The following METAP1 variants were observed in gnomAD, a reference collection of about 807,000 sequenced individuals.
The protein encoded by METAP1 is methionyl aminopeptidase 1, also known as methionine aminopeptidase 1.
A neutral mutation model predicts 53.8 loss-of-function variants in METAP1; 28 were observed. That is an observed-to-expected ratio of 0.52 (90% confidence interval 0.39 to 0.71). The LOEUF (loss-of-function observed/expected upper bound fraction) is 0.71, where lower values mean the gene tolerates loss of function less well. Ranked by LOEUF, METAP1 falls within the 30% of genes least tolerant of loss-of-function variation. The probability of loss-of-function intolerance (pLI) is 0.00; values close to 1 mark genes in which losing one functional copy is unlikely to be tolerated. For missense variants in METAP1, 389 were observed against 479.8 expected, an observed-to-expected ratio of 0.81 and a Z score of 1.77; for synonymous variants, 181 against 165.7, an observed-to-expected ratio of 1.09 and a Z score of -0.71.
At chr4:99,040,802 A>G in intron 5 of METAP1, among the ~76,000 whole-genome samples, 1 of 151,420 alleles carries the variant, frequency 6.6e-6, no homozygotes, top group East Asian at 1.9e-4. Context: ...ATTTCTTAGG[A>G]TGTATATTTT....
chr4:99,030,988 A>G (rs1406316754), intron 2 of METAP1, among the ~76,000 whole-genome samples: 1 of 151,998 alleles, frequency 6.6e-6, no homozygotes, highest in Non-Finnish European at 1.5e-5. Flanking sequence ...AATGTTTGAT[A>G]GAATTCACCA....
chr4:99,008,189 A>G (rs1443883796), intron 1 of METAP1, among the ~76,000 whole-genome samples: 2 of 152,232 alleles, frequency 1.3e-5, no homozygotes, highest in African/African-American at 4.8e-5. Flanking sequence ...GGTAAATAAA[A>G]TGGTATATAT....
intron 10 of METAP1, 32 bp downstream of exon 10, chr4:99,057,850 A>G (rs774765613): frequency 5.7e-5 from 88 of 1,538,540 alleles, no homozygotes; most frequent in South Asian, 9.6e-5. Context: ...ATATTTTTCA[A>G]TTGAATTTAT....
In METAP1 at chr4:98,995,783, G is replaced by A; in HGVS notation, c.30G>A (p.Glu10=). 6.5e-7 allele frequency: 1 copy of A among 1,546,630 alleles called. No individual in the cohort carries two copies. The highest frequency in any genetic ancestry group is 1.2e-5 in the South Asian group (1 of 83,902). ...CGGCCGTGGAGACGCGGGTGTGCGA[G>A]ACAGACGGCTGCAGCAGTGAGGCCA... MAAVETRVC[E]TDGCSSEAKL... Residue 10 remains glutamate (E), a synonymous_variant, in exon 1 of 11, where the codon GAG becomes GAA. Transcript: ENST00000296411.
intron 2 of METAP1, among the ~76,000 whole-genome samples, chr4:99,031,101 G>GT (rs56082818): frequency 0.51 from 55,906 of 109,684 alleles, 14,297 homozygotes; most frequent in South Asian, 0.76. Context: ...CTCAAAGGTA[G>GT]TTTTTTTTTT....
intron 9 of METAP1, 122 bp downstream of exon 9, chr4:99,048,998 A>G: frequency 8.5e-7 from 1 of 1,172,574 alleles, no homozygotes; most frequent in African/African-American, 1.5e-5. Context: ...TAATAGATAG[A>G]TTCCCAAAAT....
chr4:99,015,333 G>A (rs770058482), intron 1 of METAP1, among the ~76,000 whole-genome samples: 5 of 152,160 alleles, frequency 3.3e-5, no homozygotes, highest in African/African-American at 4.8e-5. Flanking sequence ...TACTGGGGTT[G>A]GAGAAGGGAA....
At chr4:99,003,407 T>C (rs1723012396) in intron 1 of METAP1, among the ~76,000 whole-genome samples, 1 of 152,224 alleles carries the variant, frequency 6.6e-6, no homozygotes, top group Non-Finnish European at 1.5e-5. Context: ...TAAATGTAAG[T>C]TCCGTTAGGT....
intron 1 of METAP1, among the ~76,000 whole-genome samples, chr4:99,025,932 C>A (rs1724528651): frequency 6.6e-6 from 1 of 152,210 alleles, no homozygotes; most frequent in Non-Finnish European, 1.5e-5. Flanking sequence ...AACCAATTGC[C>A]AGTCAGAATA....
chr4:99,031,101 GTTT>G (rs56082818), intron 2 of METAP1, among the ~76,000 whole-genome samples: 4 of 109,920 alleles, frequency 3.6e-5, no homozygotes, highest in African/African-American at 6.8e-5. Flanking sequence ...CTCAAAGGTA[GTTT>G]TTTTTTTTTT....
At chr4:99,026,482 G>T (rs1443396286) in intron 1 of METAP1, 2 of 985,288 alleles carry the variant, frequency 2.0e-6, no homozygotes, top group Non-Finnish European at 2.4e-6. Context: ...AGTTATAACG[G>T]TGAGTGTTAG....
At chr4:99,020,536 G>A (rs1388942650) in intron 1 of METAP1, among the ~76,000 whole-genome samples, 2 of 152,112 alleles carry the variant, frequency 1.3e-5, no homozygotes, top group African/African-American at 4.8e-5. Context: ...GGGACTAACT[G>A]CTGCCTGAGG....
At chr4:99,024,484 G>A (rs1158700250) in intron 1 of METAP1, among the ~76,000 whole-genome samples, 1 of 152,132 alleles carries the variant, frequency 6.6e-6, no homozygotes, top group Non-Finnish European at 1.5e-5. Context: ...TGGTTGGGTC[G>A]GAGATGAAAT....
chr4:99,029,016 G>T lies in METAP1; in HGVS notation c.166+98G>T, dbSNP rs1237766349. On this transcript the variant is annotated intron_variant, in intron 2 of 10. Coordinates refer to ENST00000296411, the MANE Select transcript of METAP1 (RefSeq NM_015143.3). ...TAGTTCTGAAAGTGTATATTTGAAT[G>T]TTCTGAAAGTATAATCCTGAATACT... 5.0e-6 allele frequency: 4 copies of T among 796,518 alleles called. No homozygotes were observed. The Admixed American group carries it at 8.7e-5, about 17-fold the overall frequency. The allele number at this position is 796,518 out of a possible 1,614,324, so 49.3% of individuals were successfully genotyped here.
intron 1 of METAP1, among the ~76,000 whole-genome samples, chr4:98,996,498 G>GAGGT (rs1401857654): frequency 6.6e-6 from 1 of 152,246 alleles, no homozygotes; most frequent in Admixed American, 6.5e-5. Flanking sequence ...GGGGAAGGGA[G>GAGGT]AGGTCTGTGT....
At chr4:99,022,084 G>A (rs1005571846) in intron 1 of METAP1, among the ~76,000 whole-genome samples, 35 of 152,224 alleles carry the variant, frequency 2.3e-4, no homozygotes, top group Admixed American at 8.5e-4. Flanking sequence ...ACAAGCATAT[G>A]CAGTAGTCAT....
chr4:99,048,189 C>T (rs1384398767), intron 8 of METAP1, among the ~76,000 whole-genome samples: 3 of 152,130 alleles, frequency 2.0e-5, no homozygotes, highest in African/African-American at 4.8e-5. Context: ...ACTTCCAACC[C>T]TTTAGTGCTG....
chr4:99,055,247 C>G (rs992333278), intron 9 of METAP1, among the ~76,000 whole-genome samples: 1 of 151,924 alleles, frequency 6.6e-6, no homozygotes, highest in African/African-American at 2.4e-5. Flanking sequence ...AAAAATTAGC[C>G]GGCCATGGTG....
intron 1 of METAP1, among the ~76,000 whole-genome samples, chr4:99,007,783 A>G (rs1026000337): frequency 6.6e-6 from 1 of 152,174 alleles, no homozygotes; most frequent in African/African-American, 2.4e-5. Flanking sequence ...TGGCTTCTAT[A>G]TCCTTTTGAG....
Sources: gnomAD v4.1 joint callset for allele counts (sites outside exome capture counted in the v4.1 genomes callset) on GRCh38, gnomAD v4.1.1 for gene constraint, MANE v1.5 for transcripts, NCBI Gene and HGNC (gene_info 2026-07-23, HGNC 2026-07-21) for gene names.